Variants in PTPRD observed in about 807,000 individuals in gnomAD.
PTPRD encodes the protein receptor-type tyrosine-protein phosphatase delta.
A neutral mutation model predicts 214.5 loss-of-function variants in PTPRD; 34 were observed. The observed-to-expected ratio is 0.16, with a 90% CI of 0.12 to 0.21. The LOEUF (loss-of-function observed/expected upper bound fraction) is 0.21. Among genes scored for constraint, PTPRD ranks in the 10% least tolerant of loss-of-function variants. The probability of loss-of-function intolerance (pLI) is 1.00; values close to 1 mark genes in which losing one functional copy is unlikely to be tolerated. For missense variants in PTPRD, 2,545 were observed against 2,398.7 expected, an observed-to-expected ratio of 1.06 and a Z score of -1.27; for synonymous variants, 1,128 against 845.7, an observed-to-expected ratio of 1.33 and a Z score of -5.79.
At chr9:8,362,498 G>C (rs901585791) in intron 39 of PTPRD, among the ~76,000 whole-genome samples, 1 of 152,198 alleles carries the variant, frequency 6.6e-6, no homozygotes, top group Non-Finnish European at 1.5e-5. Flanking sequence ...TCAAATCTAA[G>C]TAGCAAGCAT....
intron 3 of PTPRD, among the ~76,000 whole-genome samples, chr9:10,054,246 ATAGATAC>A (rs1567351169): frequency 6.6e-6 from 1 of 152,194 alleles, no homozygotes; most frequent in Non-Finnish European, 1.5e-5. Flanking sequence ...TTAATAAACT[ATAGATAC>A]TATTTGTATT....
At chr9:10,410,646 C>T (rs1395449024) in intron 2 of PTPRD, among the ~76,000 whole-genome samples, 1 of 151,540 alleles carries the variant, frequency 6.6e-6, no homozygotes, top group East Asian at 2.0e-4. Context: ...TACCAAGTGA[C>T]ATAAAAAGGA....
intron 11 of PTPRD, among the ~76,000 whole-genome samples, chr9:8,904,303 GT>G (rs2098692600): frequency 6.6e-6 from 1 of 152,152 alleles, no homozygotes; most frequent in Admixed American, 6.5e-5. Flanking sequence ...ATGCTCTTAT[GT>G]AATATATATC....
chr9:10,534,028 A>C (rs1020057000), intron 2 of PTPRD, among the ~76,000 whole-genome samples: 10 of 151,548 alleles, frequency 6.6e-5, no homozygotes, highest in African/African-American at 2.2e-4. Context: ...CAATATTCAT[A>C]GTGAAATGTA....
intron 3 of PTPRD, among the ~76,000 whole-genome samples, chr9:10,268,465 A>G (rs1252858796): frequency 6.6e-6 from 1 of 151,994 alleles, no homozygotes; most frequent in Non-Finnish European, 1.5e-5. Flanking sequence ...GATTCCTTTG[A>G]CCTCAAAAAC....
chr9:8,827,887 G>T (rs147766826), intron 11 of PTPRD, among the ~76,000 whole-genome samples: 1 of 152,142 alleles, frequency 6.6e-6, no homozygotes, highest in African/African-American at 2.4e-5. Context: ...ATGTGGATGA[G>T]TATCTTCTCT....
intron 4 of PTPRD, among the ~76,000 whole-genome samples, chr9:10,015,190 A>G (rs2096678175): frequency 6.6e-6 from 1 of 151,996 alleles, no homozygotes; most frequent in Non-Finnish European, 1.5e-5. Flanking sequence ...GGCAACAATA[A>G]CTCAGAATTG....
At chr9:9,654,174 T>C (rs891397334) in intron 7 of PTPRD, among the ~76,000 whole-genome samples, 1 of 152,154 alleles carries the variant, frequency 6.6e-6, no homozygotes, top group Non-Finnish European at 1.5e-5. Context: ...ATAATGTAAC[T>C]AGGCAGGTAA....
intron 11 of PTPRD, among the ~76,000 whole-genome samples, chr9:8,919,148 T>G (rs1301432612): frequency 1.3e-5 from 2 of 152,164 alleles, no homozygotes; most frequent in Non-Finnish European, 2.9e-5. Context: ...ATCCCAGCAC[T>G]TTAGGAGGCT....
intron 12 of PTPRD, among the ~76,000 whole-genome samples, chr9:8,676,244 TGA>T (rs1326331910): frequency 4.6e-5 from 7 of 152,324 alleles, no homozygotes; most frequent in African/African-American, 1.7e-4. Flanking sequence ...CCTCTGAGGC[TGA>T]GAGATGCTCC....
intron 10 of PTPRD, among the ~76,000 whole-genome samples, chr9:9,022,288 G>C (rs906628802): frequency 1.3e-5 from 2 of 152,050 alleles, no homozygotes; most frequent in African/African-American, 4.8e-5. Flanking sequence ...GTGCAGTCTT[G>C]TCCTTGTCCT....
At chr9:9,185,750 T>A (rs1041029711) in intron 9 of PTPRD, among the ~76,000 whole-genome samples, 3 of 152,106 alleles carry the variant, frequency 2.0e-5, no homozygotes, top group Non-Finnish European at 2.9e-5. Context: ...AATTTGTAGT[T>A]CACTCACATT....
intron 5 of PTPRD, among the ~76,000 whole-genome samples, chr9:9,837,554 C>T (rs1230042515): frequency 6.6e-6 from 1 of 152,042 alleles, no homozygotes; most frequent in Admixed American, 6.6e-5. Context: ...GTTTAAGCAA[C>T]CAGTCTTTGA....
At chr9:9,574,104 G>C (rs572270595) in intron 8 of PTPRD, among the ~76,000 whole-genome samples, 2 of 151,750 alleles carry the variant, frequency 1.3e-5, no homozygotes, top group Non-Finnish European at 3.0e-5. Flanking sequence ...AATTTCATCA[G>C]TTTCAAAACA....
chr9:8,612,018 A>G (rs1287068827), intron 14 of PTPRD, among the ~76,000 whole-genome samples: 1 of 151,808 alleles, frequency 6.6e-6, no homozygotes, highest in Non-Finnish European at 1.5e-5. Flanking sequence ...GAAAGAGAGC[A>G]GGAATAGCAT....
chr9:9,174,386 T>C (rs1298851617), intron 10 of PTPRD, among the ~76,000 whole-genome samples: 2 of 152,222 alleles, frequency 1.3e-5, no homozygotes, highest in Non-Finnish European at 2.9e-5. Context: ...ACTATGCTTT[T>C]ATTTACTATG....
At chr9:10,059,182 C>G (rs1301256797) in intron 3 of PTPRD, among the ~76,000 whole-genome samples, 1 of 152,058 alleles carries the variant, frequency 6.6e-6, no homozygotes, top group African/African-American at 2.4e-5. Context: ...TTAGTGCCAG[C>G]TGAGTCTCAA....
At chr9:9,988,775 C>G (rs1205961006) in intron 4 of PTPRD, among the ~76,000 whole-genome samples, 1 of 151,842 alleles carries the variant, frequency 6.6e-6, no homozygotes, top group South Asian at 2.1e-4. Context: ...AAGATACATA[C>G]ATTTATTTTC....
intron 3 of PTPRD, among the ~76,000 whole-genome samples, chr9:10,149,767 G>A (rs1174144608): frequency 7.0e-6 from 1 of 143,236 alleles, no homozygotes; most frequent in African/African-American, 2.6e-5. Flanking sequence ...GTCTTGCTCT[G>A]TCGTCCAGGC....
Sources: gnomAD v4.1 joint callset for allele counts (sites outside exome capture counted in the v4.1 genomes callset) on GRCh38, gnomAD v4.1.1 for gene constraint, MANE v1.5 for transcripts, NCBI Gene and HGNC (gene_info 2026-07-23, HGNC 2026-07-21) for gene names.